The following DTD1 variants were observed in gnomAD, a reference collection of about 807,000 sequenced individuals.
DTD1 encodes the protein D-aminoacyl-tRNA deacylase 1, also known as D-tyrosyl-tRNA deacylase 1 homolog.
Under a neutral mutation model 25.6 loss-of-function variants are expected in DTD1, and 13 were observed. That is an observed-to-expected ratio of 0.51 (90% CI 0.33 to 0.81). DTD1 has a LOEUF of 0.81. DTD1 is among the 30% of genes least tolerant of loss of function. The probability of loss-of-function intolerance (pLI) is 0.02; values close to 1 mark genes in which losing one functional copy is unlikely to be tolerated. For missense variants in DTD1, 193 were observed against 266.4 expected (o/e 0.72, Z 1.92); for synonymous variants, 110 against 103.6 (o/e 1.06, Z -0.37).
At chr20:18,607,931 C>G (rs552461291) in intron 3 of DTD1, among the ~76,000 whole-genome samples, 172 of 152,262 alleles carry the variant, frequency 1.1e-3, no homozygotes, top group Middle Eastern at 3.4e-3. Context: ...CTGGGCTGGT[C>G]TCAAACTCCT....
chr20:18,747,671 G>A (rs919136050), intron 5 of DTD1, among the ~76,000 whole-genome samples: 3 of 152,106 alleles, frequency 2.0e-5, no homozygotes, highest in African/African-American at 7.2e-5. Flanking sequence ...GTTGAAGACT[G>A]TACTTAATAG....
At chr20:18,596,326 C>T in intron 3 of DTD1, 85 bp downstream of exon 3, 2 of 1,136,888 alleles carry the variant, frequency 1.8e-6, no homozygotes, top group Non-Finnish European at 2.5e-6. Context: ...GCAGCATCTC[C>T]TTTTCTGGAA....
chr20:18,608,030 T>A (rs1191640972), intron 3 of DTD1, among the ~76,000 whole-genome samples: 1 of 152,196 alleles, frequency 6.6e-6, no homozygotes, highest in Non-Finnish European at 1.5e-5. Context: ...TTTCTTCTTG[T>A]GAGAGTTTTG....
intron 4 of DTD1, among the ~76,000 whole-genome samples, chr20:18,641,957 T>A (rs2060830184): frequency 6.6e-6 from 1 of 152,204 alleles, no homozygotes; most frequent in Non-Finnish European, 1.5e-5. Context: ...TCATGAAGCT[T>A]TTTCTTTATG....
At chr20:18,760,684 G>C (rs140485180) in intron 5 of DTD1, among the ~76,000 whole-genome samples, 2,818 of 152,304 alleles carry the variant, frequency 0.019, 50 homozygotes, top group African/African-American at 0.048. Flanking sequence ...CAGGGGTCAG[G>C]GACCCACTTG....
At chr20:18,750,957 A>G (rs2061318972) in intron 5 of DTD1, among the ~76,000 whole-genome samples, 1 of 152,154 alleles carries the variant, frequency 6.6e-6, no homozygotes, top group Non-Finnish European at 1.5e-5. Flanking sequence ...ACCAAACAAG[A>G]AAGTGTTTTG....
chr20:18,697,840 G>A (rs1600376737), intron 4 of DTD1, among the ~76,000 whole-genome samples: 2 of 152,120 alleles, frequency 1.3e-5, no homozygotes, highest in South Asian at 4.1e-4. Context: ...GCCTGTCACC[G>A]CGCCTGGCTA....
At chr20:18,751,088 T>G (rs12151865) in intron 5 of DTD1, among the ~76,000 whole-genome samples, 1 of 145,330 alleles carries the variant, frequency 6.9e-6, no homozygotes, top group Non-Finnish European at 1.5e-5. Context: ...TGTGTGTGGG[T>G]GTGTGTTTTC....
intron 4 of DTD1, among the ~76,000 whole-genome samples, chr20:18,731,510 C>T (rs1010635381): frequency 2.0e-5 from 3 of 152,218 alleles, no homozygotes; most frequent in Non-Finnish European, 4.4e-5. Context: ...TGCCTGTTCT[C>T]CGCCCTCAAT....
At chr20:18,612,914 C>G (rs1005625474) in intron 3 of DTD1, among the ~76,000 whole-genome samples, 9 of 152,184 alleles carry the variant, frequency 5.9e-5, no homozygotes, top group Admixed American at 1.3e-4. Flanking sequence ...ACACTTCCGC[C>G]TCCCAAAGTG....
At chr20:18,734,923 G>T (rs2061250348) in intron 4 of DTD1, among the ~76,000 whole-genome samples, 1 of 152,180 alleles carries the variant, frequency 6.6e-6, no homozygotes, top group South Asian at 2.1e-4. Context: ...CTTCTGCGGG[G>T]TCTGGCTGGG....
At chr20:18,613,293 G>A (rs2060695313) in intron 3 of DTD1, among the ~76,000 whole-genome samples, 1 of 152,158 alleles carries the variant, frequency 6.6e-6, no homozygotes, top group African/African-American at 2.4e-5. Flanking sequence ...AGGAGCTCAC[G>A]GTCTAGAGAA....
chr20:18,749,256 G>A lies in DTD1; in HGVS notation c.*19+4985G>A, dbSNP rs571913686. On this transcript the variant is annotated intron_variant, in intron 5 of 5. Coordinates refer to ENST00000377452, the MANE Select transcript of DTD1 (RefSeq NM_080820.6). The surrounding 1 kb of genome is among the most constrained non-coding windows in gnomAD (Gnocchi z 4.2). ...CAGTGCAGGTGGCTCCAGGGCTCCA[G>A]GAGGCAGCTGCAGCCCAGTGAGGTA... Among the ~76,000 whole-genome samples the A allele has an allele frequency of 1.3e-5, 2 of 152,304 alleles. No individual in the cohort carries two copies. The highest frequency in any genetic ancestry group is 3.9e-4 in the East Asian group (2 of 5,186).
At chr20:18,627,945 C>G (rs1048652209) in intron 3 of DTD1, among the ~76,000 whole-genome samples, 182 bp from the exon 4 acceptor site, 3 of 152,264 alleles carry the variant, frequency 2.0e-5, no homozygotes, top group African/African-American at 7.2e-5. Flanking sequence ...TGCCTTCCGC[C>G]ATGATTGTGA....
At chr20:18,645,008 G>A (rs2060845230) in intron 4 of DTD1, among the ~76,000 whole-genome samples, 1 of 152,134 alleles carries the variant, frequency 6.6e-6, no homozygotes, top group Non-Finnish European at 1.5e-5. Flanking sequence ...AAAATTAGCA[G>A]AATGTGGTGG....
At chr20:18,745,671 T>C (rs982395495) in intron 5 of DTD1, among the ~76,000 whole-genome samples, 17 of 151,858 alleles carry the variant, frequency 1.1e-4, no homozygotes, top group Admixed American at 1.1e-3. Context: ...ACAGGAGAGT[T>C]TGGGAATGGA....
At chr20:18,657,733 C>T (rs1488714654) in intron 4 of DTD1, among the ~76,000 whole-genome samples, 2 of 152,170 alleles carry the variant, frequency 1.3e-5, no homozygotes, top group East Asian at 3.8e-4. Context: ...TATAGTATCT[C>T]ATGTAGTTTC....
intron 3 of DTD1, among the ~76,000 whole-genome samples, chr20:18,611,895 C>T (rs1369568012): frequency 6.6e-6 from 1 of 152,108 alleles, no homozygotes; most frequent in Non-Finnish European, 1.5e-5. Flanking sequence ...TGCTCTGTCA[C>T]CAAGGCTAGA....
intron 4 of DTD1, among the ~76,000 whole-genome samples, chr20:18,649,783 G>C (rs2328327): frequency 6.6e-6 from 1 of 152,022 alleles, no homozygotes; most frequent in African/African-American, 2.4e-5. Context: ...CACCCAGCGC[G>C]GTGCTCATGG....
Sources: allele counts gnomAD v4.1 joint callset (sites outside exome capture counted in the v4.1 genomes callset), GRCh38; gene constraint gnomAD v4.1.1; non-coding constraint Gnocchi (gnomAD v3.1); transcripts MANE v1.5; gene names NCBI Gene and HGNC (gene_info 2026-07-23, HGNC 2026-07-21).